Variants in CLVS1 observed in about 807,000 individuals in gnomAD.
The protein encoded by CLVS1 is clavesin 1.
CLVS1 carries 10 observed loss-of-function variants against 33.1 expected under a neutral mutation model. The ratio of observed to expected loss-of-function variants is 0.30; its 90% CI spans 0.19 to 0.51. CLVS1 has a LOEUF of 0.51. Among genes scored for constraint, CLVS1 ranks in the 20% least tolerant of loss-of-function variants. The pLI is 0.97. For synonymous variants in CLVS1, 163 were observed against 166.1 expected (o/e 0.98, Z 0.14); for missense variants, 343 against 433.4 (o/e 0.79, Z 1.85).
At chr8:61,329,203 ATCTCTCTCTCTC>A (rs34303330) in intron 2 of CLVS1, among the ~76,000 whole-genome samples, 1 of 145,094 alleles carries the variant, frequency 6.9e-6, no homozygotes, top group South Asian at 2.2e-4. Context: ...ACCCCTCCTC[ATCTCTCTCTCTC>A]TCTCTCTCTC....
At chr8:61,419,396 C>CA (rs10635998) in intron 3 of CLVS1, among the ~76,000 whole-genome samples, 13,343 of 69,908 alleles carry the variant, frequency 0.19, 982 homozygotes, top group African/African-American at 0.2. Context: ...GACTCCGTCT[C>CA]AAAAAAAAAA....
At chr8:61,413,394 C>A (rs892247805) in intron 3 of CLVS1, among the ~76,000 whole-genome samples, 5 of 152,108 alleles carry the variant, frequency 3.3e-5, no homozygotes, top group African/African-American at 1.2e-4. Flanking sequence ...AAGAAGAGAC[C>A]CAGAGCCAGC....
intron 1 of CLVS1, among the ~76,000 whole-genome samples, chr8:61,290,229 T>C (rs1809936761): frequency 6.6e-6 from 1 of 152,174 alleles, no homozygotes; most frequent in Non-Finnish European, 1.5e-5. Context: ...AACATGCTGC[T>C]TCAGTGAGAT....
intron 2 of CLVS1, among the ~76,000 whole-genome samples, chr8:61,236,358 C>T (rs1019901163): frequency 1.3e-5 from 2 of 152,122 alleles, no homozygotes; most frequent in East Asian, 1.9e-4. Flanking sequence ...GTGTTCAGCT[C>T]GTACATCATG....
Position 61,485,610 on chromosome 8 carries a change from A to T in CLVS1, c.978-13845A>T, listed in dbSNP as rs546602784. On this transcript the variant is annotated intron_variant, in intron 5 of 5. Transcript: ENST00000325897. ...CCATTACTGGGAATATACCCAAAGG[A>T]TTATAAATCATACTGCTATAAAGAC... 2.0e-5 allele frequency among the ~76,000 whole-genome samples: 3 copies of T among 152,240 alleles called. No individual in the cohort carries two copies. The East Asian group carries it at 5.8e-4, about 29-fold the overall frequency.
At chr8:61,325,440 T>C (rs972242373) in intron 2 of CLVS1, among the ~76,000 whole-genome samples, 3 of 152,208 alleles carry the variant, frequency 2.0e-5, no homozygotes, top group Non-Finnish European at 4.4e-5. Flanking sequence ...CATTTTGGAC[T>C]AGCAGTCTAT....
chr8:61,088,904 C>T (rs1805178692), intron 1 of CLVS1, among the ~76,000 whole-genome samples: 1 of 151,700 alleles, frequency 6.6e-6, no homozygotes, highest in Non-Finnish European at 1.5e-5. Context: ...TGGGTTCACG[C>T]CATTCTCCTG....
At chr8:61,005,052 C>T in the CLVS1 span, among the ~76,000 whole-genome samples, 11 of 152,342 alleles carry the variant, frequency 7.2e-5, no homozygotes, top group Non-Finnish European at 1.3e-4. Flanking sequence ...TTGCACTCTG[C>T]TGAGTCCAGA....
chr8:61,214,363 C>T (rs1050420808), intron 2 of CLVS1, among the ~76,000 whole-genome samples: 8 of 152,266 alleles, frequency 5.3e-5, no homozygotes, highest in Admixed American at 2.6e-4. Flanking sequence ...TGGAACCTAC[C>T]AACATGTGAT....
At chr8:61,463,832 C>T (rs936118560) in intron 5 of CLVS1, among the ~76,000 whole-genome samples, 9 of 151,790 alleles carry the variant, frequency 5.9e-5, no homozygotes, top group East Asian at 1.9e-4. Flanking sequence ...TTTGGGAGAC[C>T]GAGGCAGGAG....
At chr8:61,425,720 G>A (rs1159666922) in intron 3 of CLVS1, among the ~76,000 whole-genome samples, 1 of 152,072 alleles carries the variant, frequency 6.6e-6, no homozygotes, top group Non-Finnish European at 1.5e-5. Flanking sequence ...TTTCTGGTGT[G>A]GTCATTTATC....
intron 1 of CLVS1, among the ~76,000 whole-genome samples, chr8:61,126,391 G>A (rs1024553951): frequency 7.9e-5 from 12 of 152,200 alleles, no homozygotes; most frequent in Admixed American, 7.2e-4. Flanking sequence ...TTAACCATCA[G>A]GGTCTGGGGT....
chr8:61,278,968 G>A (rs1273352658), intron 2 of CLVS1, among the ~76,000 whole-genome samples: 1 of 152,172 alleles, frequency 6.6e-6, no homozygotes, highest in Non-Finnish European at 1.5e-5. Context: ...CTGACAGGCT[G>A]GCACCACCTG....
chr8:61,356,353 A>G (rs1812707340), intron 2 of CLVS1, among the ~76,000 whole-genome samples: 3 of 152,020 alleles, frequency 2.0e-5, no homozygotes, highest in African/African-American at 2.4e-5. Context: ...ATTTTCTCCC[A>G]TTTTGTAGGT....
chr8:61,488,398 A>T (rs1803954033), intron 5 of CLVS1, among the ~76,000 whole-genome samples: 1 of 152,160 alleles, frequency 6.6e-6, no homozygotes. Flanking sequence ...GTTTAACGGA[A>T]TTTTTTTGTT....
At chr8:61,293,196 C>G (rs890713554) in intron 1 of CLVS1, among the ~76,000 whole-genome samples, 1 of 152,168 alleles carries the variant, frequency 6.6e-6, no homozygotes, top group East Asian at 1.9e-4. Flanking sequence ...GGGCTAAATT[C>G]TGGTCACGTT....
the CLVS1 span, among the ~76,000 whole-genome samples, chr8:61,021,569 C>T: frequency 6.6e-6 from 1 of 150,756 alleles, no homozygotes; most frequent in Non-Finnish European, 1.5e-5. Flanking sequence ...ACCATGTTGA[C>T]CAGGGTGGTC....
chr8:61,416,300 AG>A (rs1815428920), intron 3 of CLVS1, among the ~76,000 whole-genome samples: 3 of 136,690 alleles, frequency 2.2e-5, no homozygotes, highest in East Asian at 3.9e-4. Flanking sequence ...CTAGCTAGCT[AG>A]CTAGATACAT....
At chr8:60,974,187 C>G in the CLVS1 span, among the ~76,000 whole-genome samples, 1 of 152,094 alleles carries the variant, frequency 6.6e-6, no homozygotes, top group Non-Finnish European at 1.5e-5. Flanking sequence ...TGCTTTTTTT[C>G]AAATAGTTTT....
Sources: allele counts gnomAD v4.1 joint callset (sites outside exome capture counted in the v4.1 genomes callset), GRCh38; gene constraint gnomAD v4.1.1; transcripts MANE v1.5; gene names NCBI Gene and HGNC (gene_info 2026-07-23, HGNC 2026-07-21).